The following WDR43 variants were observed in gnomAD, a reference collection of about 807,000 sequenced individuals.
WDR43 encodes the protein WD repeat domain 43, also known as WD repeat-containing protein 43.
A neutral mutation model predicts 91.4 loss-of-function variants in WDR43; 13 were observed. The observed-to-expected ratio is 0.14, with a 90% CI of 0.09 to 0.23. The LOEUF is 0.23. Ranked by LOEUF, WDR43 falls within the 10% of genes least tolerant of loss-of-function variation. The probability of loss-of-function intolerance (pLI) is 1.00; values close to 1 mark genes in which losing one functional copy is unlikely to be tolerated. For missense variants in WDR43, 780 were observed against 809.4 expected (o/e 0.96, Z 0.44); for synonymous variants, 331 against 287.9 (o/e 1.15, Z -1.51).
At chr2:28,936,096 C>A (rs867025507) in intron 12 of WDR43, among the ~76,000 whole-genome samples, 1 of 152,034 alleles carries the variant, frequency 6.6e-6, no homozygotes, top group East Asian at 1.9e-4. Flanking sequence ...GGTGGGAGGA[C>A]TGCTTGAGCC....
chr2:28,927,725 A>G (rs768757204), intron 10 of WDR43, 25 bp downstream of exon 10: 3 of 1,609,788 alleles, frequency 1.9e-6, no homozygotes, highest in African/African-American at 1.3e-5. Flanking sequence ...TTGACCATAT[A>G]TTTGAGTTTG....
chr2:28,939,020 G>A (rs556635821), intron 14 of WDR43, among the ~76,000 whole-genome samples: 26 of 114,596 alleles, frequency 2.3e-4, no homozygotes, highest in Non-Finnish European at 4.6e-4. Flanking sequence ...GGTGAGGGGG[G>A]TTTTGGGAGG....
At chr2:28,920,642 C>T (rs1671006617) in intron 6 of WDR43, among the ~76,000 whole-genome samples, 1 of 151,932 alleles carries the variant, frequency 6.6e-6, no homozygotes, top group Admixed American at 6.6e-5. Flanking sequence ...CAAAACTTGC[C>T]ACTAGTCTAT....
At chr2:28,897,067 A>G (rs1035145113) in intron 1 of WDR43, among the ~76,000 whole-genome samples, 4 of 152,028 alleles carry the variant, frequency 2.6e-5, no homozygotes, top group African/African-American at 9.7e-5. Context: ...GGTGCCCCGA[A>G]CTCCTGGTCA....
rs1671419284 is a variant in WDR43 at position 28,940,684 on chromosome 2, T to A, written c.1621-777T>A. On this transcript the variant is annotated intron_variant, in intron 14 of 17. Coordinates refer to ENST00000407426, the MANE Select transcript of WDR43 (RefSeq NM_015131.3). ...TTTTCCAGTTGCTTTTTATAGTTGA[T>A]CTAGGATAGAAAAATTATGGCCATC... Among the ~76,000 whole-genome samples, 2 of 152,218 alleles carry A rather than the reference T, an allele frequency of 1.3e-5. 1 individual carries two copies. Among genetic ancestry groups the A allele is most frequent in the South Asian group, 4.1e-4 (2 of 4,836 alleles).
Position 28,922,954 on chromosome 2 carries a change from A to G in WDR43, c.885A>G (p.Gln295=), listed in dbSNP as rs776263460. 5.6e-6 allele frequency: 9 copies of G among 1,611,674 alleles called. No homozygotes were observed. Among genetic ancestry groups the G allele is most frequent in the Non-Finnish European group, 5.9e-6 (7 of 1,179,370 alleles). ...TGGCTGTTGTTTGCAGAGATGGTCAAGTCCATCTTTTTGAACACATATTAA... is the reference window on the plus strand; with the variant it reads ...TGGCTGTTGTTTGCAGAGATGGTCAGGTCCATCTTTTTGAACACATATTAA... The part of the protein sequence containing the change: ...VKLAVVCRDG[Q]VHLFEHILNG... Residue 295 remains glutamine, a synonymous_variant, in exon 7 of 18, where the codon CAA becomes CAG. Coordinates refer to ENST00000407426, the MANE Select transcript of WDR43 (RefSeq NM_015131.3).
At position 28,906,558 on chromosome 2, in the gene WDR43, C is replaced by T. The variant is rs371942783; in HGVS notation, c.462C>T (p.Asn154=). 99 of 1,611,192 alleles carry T rather than the reference C, an allele frequency of 6.1e-5. No individual in the cohort carries two copies. The highest frequency in any genetic ancestry group is 7.5e-5 in the Non-Finnish European group (88 of 1,179,000). The part of the protein sequence containing the change: ...CSDDKHIVEW[N]VQTCKVKCKW... ...ATGATAAACATATTGTGGAATGGAA[C>T]GTACAGACATGCAAAGTAAAGTGGT... The change falls in exon 3 of 18, where the codon AAC becomes AAT. Residue 154 remains asparagine (N), a synonymous_variant. Transcript: ENST00000407426.
At chr2:28,938,648 C>T (rs534217310) in intron 14 of WDR43, among the ~76,000 whole-genome samples, 7 of 152,190 alleles carry the variant, frequency 4.6e-5, no homozygotes, top group African/African-American at 1.7e-4. Flanking sequence ...CTGAATTGTT[C>T]TTTAAAATGT....
intron 14 of WDR43, 106 bp downstream of exon 14, chr2:28,938,100 C>T (rs1036847694): frequency 8.2e-7 from 1 of 1,223,460 alleles, no homozygotes; most frequent in Non-Finnish European, 1.2e-6. Context: ...CCCCATCTAT[C>T]CTTCAGCCGT....
chr2:28,904,793 A>G (rs1670646938), intron 2 of WDR43, among the ~76,000 whole-genome samples: 1 of 152,258 alleles, frequency 6.6e-6, no homozygotes, highest in South Asian at 2.1e-4. Context: ...AGTGGTAACA[A>G]TGTTATTTCC....
chr2:28,907,935 C>G (rs1468689745), intron 3 of WDR43, among the ~76,000 whole-genome samples: 1 of 151,096 alleles, frequency 6.6e-6, no homozygotes, highest in Non-Finnish European at 1.5e-5. Context: ...GTCAGTGTCT[C>G]TGGGATAGAG....
Position 28,925,233 on chromosome 2 carries a change from T to C in WDR43, c.1086+80T>C, listed in dbSNP as rs1671106271. ...GAGAGTGATTTTAAAAATAACAACA[T>C]TGGTCTTTAAGATAAATAATATATT... On this transcript the variant is annotated intron_variant, in intron 8 of 17. Transcript: ENST00000407426. 12 of 1,285,130 alleles carry C rather than the reference T, an allele frequency of 9.3e-6. No homozygotes were observed. The East Asian group carries it at 2.7e-4, about 29-fold the overall frequency. 79.6% of individuals were successfully genotyped at this position (1,285,130 alleles called of 1,614,324 possible).
chr2:28,914,812 C>G (rs1670875354), intron 5 of WDR43, among the ~76,000 whole-genome samples: 1 of 152,068 alleles, frequency 6.6e-6, no homozygotes, highest in South Asian at 2.1e-4. Flanking sequence ...GCCTGTAGTC[C>G]CAGCTACTCG....
intron 11 of WDR43, among the ~76,000 whole-genome samples, chr2:28,932,751 A>G (rs975869879): frequency 1.7e-4 from 26 of 152,240 alleles, no homozygotes; most frequent in Non-Finnish European, 2.1e-4. Context: ...CATTAATGGC[A>G]TTTGGAAGGT....
intron 3 of WDR43, among the ~76,000 whole-genome samples, chr2:28,909,788 C>T (rs533299832): frequency 6.6e-5 from 10 of 152,264 alleles, no homozygotes; most frequent in Admixed American, 2.0e-4. Flanking sequence ...GCAGGAGGGT[C>T]ACTTGAGCTC....
intron 6 of WDR43, among the ~76,000 whole-genome samples, chr2:28,919,550 G>A (rs1182279123): frequency 6.6e-6 from 1 of 152,032 alleles, no homozygotes; most frequent in Admixed American, 6.5e-5. Flanking sequence ...CAGCTACTCG[G>A]GAGGCTGAGG....
intron 2 of WDR43, among the ~76,000 whole-genome samples, chr2:28,905,727 C>T (rs890439241): frequency 3.3e-5 from 5 of 149,270 alleles, no homozygotes; most frequent in Admixed American, 2.7e-4. Flanking sequence ...GGCAATGGCG[C>T]AATCTTGGCT....
At chr2:28,896,703 C>T (rs543062973) in intron 1 of WDR43, among the ~76,000 whole-genome samples, 2 of 152,086 alleles carry the variant, frequency 1.3e-5, no homozygotes, top group Non-Finnish European at 2.9e-5. Flanking sequence ...GAGAAATTTC[C>T]TAATCTCATA....
intron 6 of WDR43, among the ~76,000 whole-genome samples, chr2:28,920,195 G>GA (rs1670994903): frequency 7.0e-6 from 1 of 143,396 alleles, no homozygotes; most frequent in Non-Finnish European, 1.5e-5. Flanking sequence ...GTGACTTTCT[G>GA]AAAAAATAAA....
Sources: allele counts gnomAD v4.1 joint callset (sites outside exome capture counted in the v4.1 genomes callset), GRCh38; gene constraint gnomAD v4.1.1; transcripts MANE v1.5; gene names NCBI Gene and HGNC (gene_info 2026-07-23, HGNC 2026-07-21).